KIRREL3: variants seen among roughly 807,000 people sequenced by gnomAD.
KIRREL3 encodes the protein kirre like nephrin family adhesion molecule 3, also known as kin of IRRE-like protein 3.
A neutral mutation model predicts 89.7 loss-of-function variants in KIRREL3; 36 were observed. The observed-to-expected ratio is 0.40, with a 90% confidence interval of 0.31 to 0.53. KIRREL3 has a LOEUF of 0.53. Ranked by LOEUF, KIRREL3 falls within the 20% of genes least tolerant of loss-of-function variation. The probability of loss-of-function intolerance (pLI) is 0.49; values close to 1 mark genes in which losing one functional copy is unlikely to be tolerated. For missense variants in KIRREL3, 864 were observed against 1,056.6 expected (o/e 0.82, Z 2.53); for synonymous variants, 445 against 441.4 (o/e 1.01, Z -0.10).
intron 1 of KIRREL3, among the ~76,000 whole-genome samples, chr11:126,973,904 A>G (rs1050159245): frequency 2.6e-5 from 4 of 152,120 alleles, no homozygotes; most frequent in Admixed American, 1.3e-4. Context: ...GTGACAGATA[A>G]TGTCCTTTCC....
intron 1 of KIRREL3, among the ~76,000 whole-genome samples, chr11:126,580,544 C>G (rs1941489634): frequency 6.6e-6 from 1 of 152,174 alleles, no homozygotes; most frequent in Non-Finnish European, 1.5e-5. Flanking sequence ...CCGTGGAGGG[C>G]TTTGAGCACA....
rs1949708498 is a variant in KIRREL3 at position 126,981,090 on chromosome 11, T to C, written c.55+19365A>G. ...ATTGCTACAAAGTACTATTCTTACA[T>C]GATTGGCCTGAAAGCCTTGATGCTG... is the stretch of plus-strand genomic sequence containing the variant. On this transcript the variant is annotated intron_variant, in intron 1 of 16. Transcript: ENST00000525144. This position sits in a 1 kb window ranked among gnomAD's most constrained non-coding sequence, Gnocchi z 4.2. Among the ~76,000 whole-genome samples the C allele has an allele frequency of 6.6e-6, 1 of 152,228 alleles. No individual in the cohort carries two copies. The highest frequency in any genetic ancestry group is 1.5e-5 in the Non-Finnish European group (1 of 68,036).
chr11:126,537,893 G>A lies in KIRREL3; in HGVS notation c.134-11206C>T, dbSNP rs1300525921. Among the ~76,000 whole-genome samples, 1 of 151,654 alleles carries A rather than the reference G, an allele frequency of 6.6e-6. No homozygotes were observed. The highest frequency in any genetic ancestry group is 2.4e-5 in the African/African-American group (1 of 41,260). On this transcript the variant is annotated intron_variant, in intron 2 of 16. Transcript: ENST00000525144. The surrounding 1 kb of genome is among the most constrained non-coding windows in gnomAD (Gnocchi z 4.3). Reference sequence around the variant, plus strand: ...GGAGCCAGAGGAGCACCTGTCTTGCGGAGTCCCAGAGCTGAGAACGGAGGC... The same window carrying A: ...GGAGCCAGAGGAGCACCTGTCTTGCAGAGTCCCAGAGCTGAGAACGGAGGC...
At chr11:126,840,430 G>C (rs1204177016) in intron 1 of KIRREL3, among the ~76,000 whole-genome samples, 2 of 152,146 alleles carry the variant, frequency 1.3e-5, no homozygotes, top group Non-Finnish European at 2.9e-5. Context: ...GAGAATCTGA[G>C]TTGAAAGGGC....
At chr11:126,690,595 G>A (rs930175137) in intron 1 of KIRREL3, among the ~76,000 whole-genome samples, 6 of 152,148 alleles carry the variant, frequency 3.9e-5, no homozygotes, top group Non-Finnish European at 8.8e-5. Context: ...AGAGCATCTT[G>A]GGCTTGGAGT....
At chr11:126,707,069 T>A (rs1371445718) in intron 1 of KIRREL3, among the ~76,000 whole-genome samples, 1 of 152,064 alleles carries the variant, frequency 6.6e-6, no homozygotes, top group Non-Finnish European at 1.5e-5. Flanking sequence ...TCTTCTTGGC[T>A]CAGCCTCTCA....
In KIRREL3 at chr11:126,490,774, C is replaced by T. The variant is rs1957489933; in HGVS notation, c.434-17308G>A. Among the ~76,000 whole-genome samples, 1 of 152,142 alleles carries T rather than the reference C, an allele frequency of 6.6e-6. No individual in the cohort carries two copies. Among genetic ancestry groups the T allele is most frequent in the African/African-American group, 2.4e-5 (1 of 41,426 alleles). ...CCTCCTCGTCTCCCAAAGAATGGGT[C>T]TGCCTTCTTCATCTCTTGCGAGTCT... On this transcript the variant is annotated intron_variant, in intron 4 of 16. Transcript: ENST00000525144. The surrounding 1 kb of genome is among the most constrained non-coding windows in gnomAD (Gnocchi z 4.2).
intron 1 of KIRREL3, among the ~76,000 whole-genome samples, chr11:126,700,614 C>A (rs1160240039): frequency 6.6e-6 from 1 of 152,226 alleles, no homozygotes; most frequent in African/African-American, 2.4e-5. Context: ...CCTCTGCCTC[C>A]TAGCCTTTCT....
intron 1 of KIRREL3, among the ~76,000 whole-genome samples, chr11:126,950,676 T>C (rs1260379065): frequency 6.6e-6 from 1 of 152,220 alleles, no homozygotes; most frequent in East Asian, 1.9e-4. Flanking sequence ...CAACTGCTGC[T>C]CCCTTTCTTC....
chr11:126,436,048 C>T (rs1018617621), intron 12 of KIRREL3, among the ~76,000 whole-genome samples: 2 of 152,222 alleles, frequency 1.3e-5, no homozygotes, highest in Admixed American at 1.3e-4. Flanking sequence ...GCTCCCCATC[C>T]TGTTGTCTGT....
At chr11:126,466,992 G>T (rs1956745165) in intron 5 of KIRREL3, among the ~76,000 whole-genome samples, 1 of 152,236 alleles carries the variant, frequency 6.6e-6, no homozygotes, top group Non-Finnish European at 1.5e-5. Flanking sequence ...TGCCATGGTG[G>T]CTCCCAAGAG....
In KIRREL3 at chr11:126,948,848, T is replaced by C. The variant is rs566683458; in HGVS notation, c.55+51607A>G. Among the ~76,000 whole-genome samples, 1 of 152,290 alleles carries C rather than the reference T, an allele frequency of 6.6e-6. No individual in the cohort carries two copies. Among genetic ancestry groups the C allele is most frequent in the South Asian group, 2.1e-4 (1 of 4,822 alleles). On this transcript the variant is annotated intron_variant, in intron 1 of 16. Coordinates refer to ENST00000525144, the MANE Select transcript of KIRREL3 (RefSeq NM_032531.4). The surrounding 1 kb of genome is among the most constrained non-coding windows in gnomAD (Gnocchi z 4.5). ...GATGTGAGCTCACCCTCAAAGCTTC[T>C]GAAGTGTCCACATAATCCCCAACCC...
intron 15 of KIRREL3, 135 bp from the exon 16 acceptor site, chr11:126,425,859 A>G: frequency 1.5e-6 from 1 of 673,892 alleles, no homozygotes. Context: ...GGACCATGTG[A>G]AAGAGTCAAG....
At chr11:126,951,516 T>C (rs1359258412) in intron 1 of KIRREL3, among the ~76,000 whole-genome samples, 1 of 152,178 alleles carries the variant, frequency 6.6e-6, no homozygotes, top group East Asian at 1.9e-4. Flanking sequence ...TATCTGCTGC[T>C]GGAGATGGTT....
intron 7 of KIRREL3, among the ~76,000 whole-genome samples, chr11:126,451,393 CGTGTGCAT>C (rs774513594): frequency 4.2e-3 from 260 of 61,662 alleles, no homozygotes; most frequent in Non-Finnish European, 5.3e-3. Context: ...CATGTGTGAA[CGTGTGCAT>C]GTGTGCATGT....
rs900778381 is a variant in KIRREL3, at chr11:126,427,440, T to C, written c.1807-1716A>G. Among the ~76,000 whole-genome samples, 2 of 151,890 alleles carry C rather than the reference T, an allele frequency of 1.3e-5. No homozygotes were observed. The highest frequency in any genetic ancestry group is 2.9e-5 in the Non-Finnish European group (2 of 67,984). On this transcript the variant is annotated intron_variant, in intron 15 of 16. Coordinates refer to ENST00000525144, the MANE Select transcript of KIRREL3 (RefSeq NM_032531.4). This position sits in a 1 kb window ranked among gnomAD's most constrained non-coding sequence, Gnocchi z 5.3. ...AGAAGGTGCACAGCTCCGCCAGGGG[T>C]GGGGAGGACAAGCCCGGAACATCTT...
chr11:126,968,823 G>T (rs1463976785), intron 1 of KIRREL3, among the ~76,000 whole-genome samples: 1 of 152,100 alleles, frequency 6.6e-6, no homozygotes, highest in Admixed American at 6.5e-5. Context: ...AGGGGCAGGG[G>T]CAGTAGATGA....
chr11:126,463,145 G>C lies in KIRREL3; in HGVS notation c.742+12C>G. The C allele has an allele frequency of 6.2e-7, 1 of 1,611,448 alleles. No individual in the cohort carries two copies. The highest frequency in any genetic ancestry group is 2.2e-5 in the East Asian group (1 of 44,856). On this transcript the variant is annotated intron_variant, in intron 6 of 16. Transcript: ENST00000525144. The surrounding 1 kb of genome is among the most constrained non-coding windows in gnomAD (Gnocchi z 5.9). Reference sequence around the variant, plus strand: ...TGGCAGGGCTGGGTTGGGGGAGGGGGTGGGTACTCACGCTGGATGTCAATG... The same window carrying C: ...TGGCAGGGCTGGGTTGGGGGAGGGGCTGGGTACTCACGCTGGATGTCAATG...
At chr11:126,937,893 C>T (rs556189710) in intron 1 of KIRREL3, among the ~76,000 whole-genome samples, 12 of 152,146 alleles carry the variant, frequency 7.9e-5, no homozygotes, top group Admixed American at 3.3e-4. Flanking sequence ...AGCGAGACTC[C>T]GTCCCACAAA....
Sources: gnomAD v4.1 joint callset for allele counts (sites outside exome capture counted in the v4.1 genomes callset) on GRCh38, gnomAD v4.1.1 for gene constraint, Gnocchi (gnomAD v3.1) non-coding constraint, MANE v1.5 for transcripts, NCBI Gene and HGNC (gene_info 2026-07-23, HGNC 2026-07-21) for gene names.